The following A3GALT2 variants were observed in gnomAD, a reference collection of about 807,000 sequenced individuals.
The protein encoded by A3GALT2 is alpha 1,3-galactosyltransferase 2, also known as alpha-1,3-galactosyltransferase 2.
A3GALT2 carries 14 observed loss-of-function variants against 16.6 expected under a neutral mutation model. That is an observed-to-expected ratio of 0.84 (90% confidence interval 0.56 to 1.32). The LOEUF (loss-of-function observed/expected upper bound fraction) is 1.32, where lower values mean the gene tolerates loss of function less well. Among genes scored for constraint, A3GALT2 ranks in the 40% most tolerant of loss-of-function variants. The probability of loss-of-function intolerance (pLI) is 0.00; values close to 1 mark genes in which losing one functional copy is unlikely to be tolerated. For synonymous variants in A3GALT2, 253 were observed against 218.0 expected, an observed-to-expected ratio of 1.16 and a Z score of -1.42; for missense variants, 600 against 490.9, an observed-to-expected ratio of 1.22 and a Z score of -2.10.
At position 33,318,733 on chromosome 1, in the gene A3GALT2, T is replaced by C. The variant is rs2148164276; in HGVS notation, c.23+2343A>G. 2.6e-5 allele frequency among the ~76,000 whole-genome samples: 4 copies of C among 152,256 alleles called. No homozygotes were observed. In the South Asian group the frequency reaches 8.3e-4, roughly 32 times the overall value. ...CCTCAGCACCCAGCTTCCTCCTGTC[T>C]GAAGCTGGCCTTGACATCTCCTCCG... On this transcript the variant is annotated intron_variant, in intron 1 of 4. Coordinates refer to ENST00000442999, the MANE Select transcript of A3GALT2 (RefSeq NM_001080438.1).
intron 1 of A3GALT2, among the ~76,000 whole-genome samples, chr1:33,315,766 T>G (rs1646258447): frequency 6.6e-6 from 1 of 152,242 alleles, no homozygotes; most frequent in African/African-American, 2.4e-5. Flanking sequence ...GAGAAAAGTT[T>G]ATGCATCAAG....
chr1:33,308,750 G>GTTTTTT (rs56655319), intron 4 of A3GALT2, among the ~76,000 whole-genome samples: 7 of 46,116 alleles, frequency 1.5e-4, no homozygotes, highest in African/African-American at 7.3e-4. Flanking sequence ...TGTCAAAGTT[G>GTTTTTT]TTTTTTTTTT....
Position 33,316,305 on chromosome 1 carries a change from G to A in A3GALT2, c.24-3415C>T, listed in dbSNP as rs1157776566. Reference sequence around the variant, plus strand: ...AGGGATGAGGCTGCAGAGGTGAGCCGGGGCCAGGTCACCCAGGGCCCGCAT... The same window carrying A: ...AGGGATGAGGCTGCAGAGGTGAGCCAGGGCCAGGTCACCCAGGGCCCGCAT... On this transcript the variant is annotated intron_variant, in intron 1 of 4. Coordinates refer to ENST00000442999, the MANE Select transcript of A3GALT2 (RefSeq NM_001080438.1). Among the ~76,000 whole-genome samples, 5 of 152,186 alleles carry A rather than the reference G, an allele frequency of 3.3e-5. No homozygotes were observed. In the East Asian group the frequency reaches 9.7e-4, roughly 29 times the overall value.
intron 4 of A3GALT2, among the ~76,000 whole-genome samples, chr1:33,311,259 C>A (rs1250513072): frequency 1.3e-5 from 2 of 152,142 alleles, no homozygotes; most frequent in Non-Finnish European, 2.9e-5. Context: ...GAGGTCAGCA[C>A]CCCGCTGCCA....
chr1:33,309,374 G>A (rs969190910), intron 4 of A3GALT2, among the ~76,000 whole-genome samples: 1 of 149,772 alleles, frequency 6.7e-6, no homozygotes, highest in Non-Finnish European at 1.5e-5. Flanking sequence ...CCTCCCAGAC[G>A]GGGGGCTGGC....
At position 33,307,210 on chromosome 1, in the gene A3GALT2, G is replaced by A; in HGVS notation, c.579C>T (p.His193=). 6.6e-7 allele frequency: 1 copy of A among 1,511,334 alleles called. No homozygotes were observed. Among genetic ancestry groups the A allele is most frequent in the Non-Finnish European group, 8.8e-7 (1 of 1,131,630 alleles). 93.6% of individuals were successfully genotyped at this position (1,511,334 alleles called of 1,614,324 possible). A position where few individuals can be genotyped will look rare whatever the true frequency, so the allele number is the denominator to read the frequency against. Residue 193 remains histidine, a synonymous_variant, in exon 5 of 5, where the codon CAC becomes CAT. Transcript: ENST00000442999. ...ALGGLPGREA[H]FMFCMDVDQH... The stretch of plus-strand genomic sequence containing the variant: ...GGTCCACGTCCATGCAGAACATGAA[G>A]TGCGCCTCGCGGCCCGGCAGCCCGC...
At chr1:33,310,292 GGAGA>G (rs1465676440) in intron 4 of A3GALT2, among the ~76,000 whole-genome samples, 1 of 152,066 alleles carries the variant, frequency 6.6e-6, no homozygotes, top group African/African-American at 2.4e-5. Flanking sequence ...GGGAGACCGT[GGAGA>G]GAGAGGGAGA....
intron 1 of A3GALT2, 83 bp from the exon 2 acceptor site, chr1:33,312,973 TCTTA>T: frequency 1.7e-6 from 2 of 1,146,188 alleles, no homozygotes; most frequent in South Asian, 1.3e-5. Context: ...GAAAAGTCTT[TCTTA>T]CTTCCAGCCA....
intron 1 of A3GALT2, chr1:33,313,733 A>G (rs184764655): frequency 1.3e-5 from 2 of 152,396 alleles, no homozygotes; most frequent in East Asian, 3.9e-4. Flanking sequence ...GAGCACAGAC[A>G]CGGGGGCCAG....
At chr1:33,309,723 C>T (rs1234394502) in intron 4 of A3GALT2, among the ~76,000 whole-genome samples, 18 of 149,090 alleles carry the variant, frequency 1.2e-4, no homozygotes, top group South Asian at 4.3e-4. Flanking sequence ...GGGGCAGAGG[C>T]GCTCCCCACA....
chr1:33,316,589 G>A (rs980461294), intron 1 of A3GALT2, among the ~76,000 whole-genome samples: 2 of 144,212 alleles, frequency 1.4e-5, no homozygotes, highest in African/African-American at 2.7e-5. Context: ...CCCCTGGGAG[G>A]TATCAGGGGC....
At chr1:33,313,032 T>C (rs1053075762) in intron 1 of A3GALT2, 142 bp from the exon 2 acceptor site, 1 of 697,174 alleles carries the variant, frequency 1.4e-6, no homozygotes. Flanking sequence ...CAGTTTCTTG[T>C]GCAGGGGCAT....
At chr1:33,312,244 T>G in intron 3 of A3GALT2, 55 bp from the exon 4 acceptor site, 1 of 1,602,756 alleles carries the variant, frequency 6.2e-7, no homozygotes. Context: ...ACCCACTTGG[T>G]GCATGTTCAC....
chr1:33,311,946 T>G, intron 4 of A3GALT2, 106 bp downstream of exon 4: 1 of 1,482,278 alleles, frequency 6.7e-7, no homozygotes, highest in Non-Finnish European at 9.1e-7. Flanking sequence ...TCGCTTCACT[T>G]TGGGATCCCA....
chr1:33,308,750 G>GTTGTTTTT (rs1646216251), intron 4 of A3GALT2, among the ~76,000 whole-genome samples: 6 of 46,126 alleles, frequency 1.3e-4, no homozygotes, highest in Non-Finnish European at 1.9e-4. Context: ...TGTCAAAGTT[G>GTTGTTTTT]TTTTTTTTTT....
At chr1:33,317,676 C>T (rs1419573006) in intron 1 of A3GALT2, among the ~76,000 whole-genome samples, 12 of 152,300 alleles carry the variant, frequency 7.9e-5, no homozygotes, top group Non-Finnish European at 5.9e-5. Context: ...TGCAACAACC[C>T]CAGGGTTCAT....
intron 1 of A3GALT2, among the ~76,000 whole-genome samples, chr1:33,316,285 T>C (rs1646261095): frequency 6.6e-6 from 1 of 151,914 alleles, no homozygotes; most frequent in African/African-American, 2.4e-5. Context: ...GAGGGAGGGA[T>C]GAGGCTGCAG....
chr1:33,313,093 T>G (rs1034525070), intron 1 of A3GALT2, among the ~76,000 whole-genome samples: 1 of 150,744 alleles, frequency 6.6e-6, no homozygotes, highest in Non-Finnish European at 1.5e-5. Context: ...AGGTACTTAC[T>G]TATCCTGGGT....
At position 33,307,384 on chromosome 1, in the gene A3GALT2, C is replaced by T; in HGVS notation, c.405G>A (p.Val135=). The change falls in exon 5 of 5, where the codon GTG becomes GTA. Residue 135 remains valine, a synonymous_variant. Coordinates refer to ENST00000442999, the MANE Select transcript of A3GALT2 (RefSeq NM_001080438.1). ...GAAGCTCGGTGAACACGTAGTACAT[C>T]ACGCTCTGGCCCGCCATGAAGTGCT... ...AEQHFMAGQS[V]MYYVFTELPG... 6.4e-7 allele frequency: 1 copy of T among 1,566,096 alleles called. No individual in the cohort carries two copies. The highest frequency in any genetic ancestry group is 1.1e-5 in the South Asian group (1 of 88,766).
Sources: gnomAD v4.1 joint callset for allele counts (sites outside exome capture counted in the v4.1 genomes callset) on GRCh38, gnomAD v4.1.1 for gene constraint, MANE v1.5 for transcripts, NCBI Gene and HGNC (gene_info 2026-07-23, HGNC 2026-07-21) for gene names.